SNAP47: variants seen among roughly 807,000 people sequenced by gnomAD.
SNAP47 encodes the protein synaptosome associated protein 47.
SNAP47 carries 20 observed loss-of-function variants against 31.4 expected under a neutral mutation model. The ratio of observed to expected loss-of-function variants is 0.64; its 90% CI spans 0.45 to 0.93. SNAP47 has a LOEUF of 0.93. Among genes scored for constraint, SNAP47 ranks in the 40% least tolerant of loss-of-function variants. The pLI, the probability that SNAP47 is intolerant of heterozygous loss-of-function variation, is 0.00. For missense variants in SNAP47, 492 were observed against 528.5 expected, an observed-to-expected ratio of 0.93 and a Z score of 0.68; for synonymous variants, 194 against 213.4, an observed-to-expected ratio of 0.91 and a Z score of 0.79.
rs1661626909 is a variant in SNAP47, at chr1:227,741,860, T to G, written c.-45-5832T>G. On this transcript the variant is annotated intron_variant, in intron 1 of 4. Coordinates refer to ENST00000617596, the MANE Select transcript of SNAP47 (RefSeq NM_053052.4). The surrounding 1 kb of genome is among the most constrained non-coding windows in gnomAD (Gnocchi z 4.2). ...TTCTGGGAAAGAAGCCCTGGAAACC[T>G]GCAGTTGGAAAAGGGTGGCTACAAG... Among the ~76,000 whole-genome samples the G allele has an allele frequency of 6.6e-6, 1 of 152,064 alleles. No individual in the cohort carries two copies. Among genetic ancestry groups the G allele is most frequent in the Admixed American group, 6.5e-5 (1 of 15,270 alleles).
At chr1:227,748,301 G>T in intron 2 of SNAP47, 68 bp downstream of exon 2, 2 of 1,447,562 alleles carry the variant, frequency 1.4e-6, no homozygotes, top group Non-Finnish European at 1.8e-6. Context: ...AGGCTCACAG[G>T]CACTGTTCCA....
At chr1:227,742,550 G>C (rs1015631578) in intron 1 of SNAP47, among the ~76,000 whole-genome samples, 3 of 152,204 alleles carry the variant, frequency 2.0e-5, no homozygotes, top group Admixed American at 6.5e-5. Context: ...CGGGGAGGTT[G>C]TGCATAATTT....
At chr1:227,771,196 C>A (rs1386166247) in intron 4 of SNAP47, among the ~76,000 whole-genome samples, 2 of 152,210 alleles carry the variant, frequency 1.3e-5, no homozygotes, top group African/African-American at 2.4e-5. Flanking sequence ...GTCAAGTGTT[C>A]ATCACGACAC....
chr1:227,767,905 T>C (rs939636557), intron 4 of SNAP47, among the ~76,000 whole-genome samples: 41 of 152,262 alleles, frequency 2.7e-4, no homozygotes, highest in Non-Finnish European at 5.1e-4. Flanking sequence ...CTCAGCACTT[T>C]GTGCCTGGGA....
intron 4 of SNAP47, among the ~76,000 whole-genome samples, chr1:227,777,900 A>G (rs1442680081): frequency 6.6e-6 from 1 of 152,206 alleles, no homozygotes; most frequent in African/African-American, 2.4e-5. Context: ...TCTATGTGCA[A>G]TGAGTGTATC....
chr1:227,768,295 A>G (rs1376082948), intron 4 of SNAP47: 1 of 985,402 alleles, frequency 1.0e-6, no homozygotes, highest in Non-Finnish European at 1.2e-6. Flanking sequence ...GAGACTGTGC[A>G]CTTTGGATCT....
rs1662089247 is a variant in SNAP47, at chr1:227,748,051, G to T, written c.315G>T (p.Gln105His). The change falls in exon 2 of 5, where the codon CAG (glutamine) becomes CAT (histidine). Residue 105 changes from glutamine (Q) to histidine (H), a missense_variant. Physicochemically the swap from Gln to His is conservative, Grantham distance 24 (BLOSUM62 0). Transcript: ENST00000617596. ...TCTGGAGGGAGCTGCTGCTGTCTCA[G>T]CCTGGAGCCGTGGCAGACGCATCTG... ...EHFWRELLLSQPGAVADASVP... is the reference protein window; with the variant it reads ...EHFWRELLLSHPGAVADASVP... 6.2e-7 allele frequency: 1 copy of T among 1,614,200 alleles called. No individual in the cohort carries two copies. The highest frequency in any genetic ancestry group is 1.6e-4 in the Middle Eastern group (1 of 6,062).
intron 1 of SNAP47, among the ~76,000 whole-genome samples, chr1:227,744,302 G>T (rs1040221397): frequency 1.3e-5 from 2 of 152,026 alleles, no homozygotes; most frequent in Non-Finnish European, 2.9e-5. Flanking sequence ...ATGAGAGCTG[G>T]TGATCTGGAC....
chr1:227,744,161 C>G (rs1661801991), intron 1 of SNAP47: 1 of 144,512 alleles, frequency 6.9e-6, no homozygotes, highest in Non-Finnish European at 1.5e-5. Context: ...TGTGTATGTT[C>G]AGTGCAGGGA....
At chr1:227,736,686 G>GTTTTTTTT (rs112159513) in intron 1 of SNAP47, among the ~76,000 whole-genome samples, 21 of 110,916 alleles carry the variant, frequency 1.9e-4, no homozygotes, top group African/African-American at 2.8e-4. Flanking sequence ...TTTTGTTTTT[G>GTTTTTTTT]TTTTTTTTTT....
intron 3 of SNAP47, among the ~76,000 whole-genome samples, chr1:227,761,595 T>C (rs991061595): frequency 6.6e-6 from 1 of 152,128 alleles, no homozygotes; most frequent in African/African-American, 2.4e-5. Context: ...TACAGAAGCA[T>C]AGGAAGCAGA....
At chr1:227,775,274 G>A (rs998782532) in intron 4 of SNAP47, among the ~76,000 whole-genome samples, 5 of 152,322 alleles carry the variant, frequency 3.3e-5, no homozygotes, top group African/African-American at 1.2e-4. Context: ...GCATATTAAT[G>A]GCCCCAACTG....
At chr1:227,764,143 A>AT (rs1446296296) in intron 3 of SNAP47, among the ~76,000 whole-genome samples, 2 of 152,158 alleles carry the variant, frequency 1.3e-5, no homozygotes, top group Non-Finnish European at 2.9e-5. Context: ...CTTTTGTTTA[A>AT]TTGCAGTCAC....
chr1:227,734,915 C>T, upstream of SNAP47: 1 of 1,540,300 alleles, frequency 6.5e-7, no homozygotes, highest in Non-Finnish European at 8.8e-7. Flanking sequence ...CCTGGCCTCC[C>T]TCACCCTCCC....
intron 4 of SNAP47, among the ~76,000 whole-genome samples, chr1:227,768,726 T>C (rs1338421039): frequency 6.6e-6 from 1 of 152,204 alleles, no homozygotes; most frequent in Non-Finnish European, 1.5e-5. Context: ...TCCAGAACAT[T>C]CTTGGCCTGG....
At position 227,763,701 on chromosome 1, in the gene SNAP47, C is replaced by T. The variant is rs929461117; in HGVS notation, c.989-3258C>T. 6.6e-6 allele frequency among the ~76,000 whole-genome samples: 1 copy of T among 152,212 alleles called. No individual in the cohort carries two copies. The highest frequency in any genetic ancestry group is 2.4e-5 in the African/African-American group (1 of 41,458). On this transcript the variant is annotated intron_variant, in intron 3 of 4. Coordinates refer to ENST00000617596, the MANE Select transcript of SNAP47 (RefSeq NM_053052.4). This position sits in a 1 kb window ranked among gnomAD's most constrained non-coding sequence, Gnocchi z 4.2. ...TATTGGTTGAGTGGGAGATGGAGCA[C>T]ACAAGCTGCTGTCTCCTCCATTCAG...
rs41303119 is a variant in SNAP47 at position 227,780,602 on chromosome 1, G to A, written c.1189G>A (p.Val397Ile). 9,656 of 1,614,226 alleles carry A rather than the reference G, an allele frequency of 6.0e-3. 39 individuals carry two copies. The highest frequency in any genetic ancestry group is 7.1e-3 in the Non-Finnish European group (8,357 of 1,180,046). Residue 397 changes from valine to isoleucine, a missense_variant, in exon 5 of 5, where the codon GTT (valine) becomes ATT (isoleucine). Coordinates refer to ENST00000617596, the MANE Select transcript of SNAP47 (RefSeq NM_053052.4). ...LERQDEALDGVAAAVDRATLT... is the reference protein window; with the variant it reads ...LERQDEALDGIAAAVDRATLT... ...GAGACAAGACGAAGCCCTGGATGGCGTTGCAGCAGCTGTGGACAGGGCAAC... is the reference window on the plus strand; with the variant it reads ...GAGACAAGACGAAGCCCTGGATGGCATTGCAGCAGCTGTGGACAGGGCAAC...
intron 4 of SNAP47, chr1:227,776,645 A>C (rs1367798741): frequency 3.0e-6 from 3 of 985,352 alleles, no homozygotes; most frequent in Non-Finnish European, 3.6e-6. Context: ...TGGAATGCAC[A>C]CGATGCCATG....
intron 3 of SNAP47, among the ~76,000 whole-genome samples, chr1:227,766,635 A>G (rs1183122251): frequency 6.6e-6 from 1 of 152,230 alleles, no homozygotes. Context: ...TGTGATGTGC[A>G]TTTCACCAGA....
Sources: gnomAD v4.1 joint callset for allele counts (sites outside exome capture counted in the v4.1 genomes callset) on GRCh38, gnomAD v4.1.1 for gene constraint, Gnocchi (gnomAD v3.1) non-coding constraint, MANE v1.5 for transcripts, NCBI Gene and HGNC (gene_info 2026-07-23, HGNC 2026-07-21) for gene names.